DLEU7: variants seen among roughly 807,000 people sequenced by gnomAD.
DLEU7 encodes the protein leukemia-associated protein 7.
Under a neutral mutation model 16.0 loss-of-function variants are expected in DLEU7, and 17 were observed. The observed-to-expected ratio is 1.06, with a 90% CI of 0.73 to 1.59. The LOEUF is 1.59. Among genes scored for constraint, DLEU7 ranks in the 40% most tolerant of loss-of-function variants. The probability of loss-of-function intolerance (pLI) is 0.00; values close to 1 mark genes in which losing one functional copy is unlikely to be tolerated. For synonymous variants in DLEU7, 113 were observed against 139.8 expected, an observed-to-expected ratio of 0.81 and a Z score of 1.35; for missense variants, 308 against 314.9, an observed-to-expected ratio of 0.98 and a Z score of 0.17.
intron 1 of DLEU7, among the ~76,000 whole-genome samples, chr13:50,744,737 A>C (rs1045447018): frequency 2.0e-5 from 3 of 152,212 alleles, no homozygotes; most frequent in Admixed American, 1.3e-4. Flanking sequence ...ACAACAAACA[A>C]TCCAATTAAA....
At chr13:50,740,328 C>T (rs1047812973) in intron 1 of DLEU7, among the ~76,000 whole-genome samples, 2 of 152,114 alleles carry the variant, frequency 1.3e-5, no homozygotes, top group Non-Finnish European at 2.9e-5. Context: ...AAAATCAAGT[C>T]AATTTAAATC....
chr13:50,744,020 A>G (rs901066725), intron 1 of DLEU7, among the ~76,000 whole-genome samples: 4 of 152,164 alleles, frequency 2.6e-5, no homozygotes, highest in African/African-American at 9.7e-5. Flanking sequence ...GGCTCTGCCA[A>G]TGGGTATATA....
chr13:50,795,399 A>G (rs1000509962), intron 1 of DLEU7, among the ~76,000 whole-genome samples: 1 of 152,182 alleles, frequency 6.6e-6, no homozygotes, highest in African/African-American at 2.4e-5. Context: ...CAACAAATGC[A>G]GTTGATGATA....
chr13:50,747,701 C>T (rs1345155272), intron 1 of DLEU7, among the ~76,000 whole-genome samples: 1 of 152,122 alleles, frequency 6.6e-6, no homozygotes, highest in Non-Finnish European at 1.5e-5. Context: ...TGCATCCACA[C>T]TCCCCCAGCC....
chr13:50,758,586 C>G (rs1387569739), intron 1 of DLEU7, among the ~76,000 whole-genome samples: 1 of 152,192 alleles, frequency 6.6e-6, no homozygotes, highest in African/African-American at 2.4e-5. Context: ...GTGGTCTCCA[C>G]TGAAGACTCC....
downstream of DLEU7, chr13:50,711,780 G>GCA (rs1873298209): frequency 2.6e-5 from 1 of 39,028 alleles, no homozygotes; most frequent in African/African-American, 1.8e-4. Flanking sequence ...GGCGGGGGCG[G>GCA]GGGGCATTAC....
upstream of DLEU7, chr13:50,843,788 G>A (rs1238602614): frequency 3.4e-6 from 4 of 1,178,452 alleles, no homozygotes; most frequent in Non-Finnish European, 3.4e-6. This position sits in a 1 kb window ranked among gnomAD's most constrained non-coding sequence, Gnocchi z 5.7. Flanking sequence ...GGTCGGCCCC[G>A]CCCCCGGCTC....
chr13:50,745,756 A>G (rs1341369557), intron 1 of DLEU7, among the ~76,000 whole-genome samples: 5 of 151,978 alleles, frequency 3.3e-5, no homozygotes, highest in East Asian at 1.9e-4. Flanking sequence ...CCTCTTTGGG[A>G]TGGGTATTTA....
At chr13:50,811,295 A>G (rs532326949) in intron 1 of DLEU7, among the ~76,000 whole-genome samples, 24 of 152,272 alleles carry the variant, frequency 1.6e-4, no homozygotes, top group African/African-American at 5.8e-4. Flanking sequence ...AGGCCTTTAG[A>G]AAGAGAAGTA....
At chr13:50,752,189 C>T (rs1246371038) in intron 1 of DLEU7, among the ~76,000 whole-genome samples, 3 of 151,618 alleles carry the variant, frequency 2.0e-5, no homozygotes, top group Non-Finnish European at 4.4e-5. Context: ...GTAGCTGGGA[C>T]TACAGGCGCC....
At chr13:50,814,704 C>T (rs1346578211) in intron 1 of DLEU7, among the ~76,000 whole-genome samples, 1 of 128,898 alleles carries the variant, frequency 7.8e-6, no homozygotes, top group African/African-American at 2.8e-5. Flanking sequence ...CACACACACA[C>T]ACTCGCATGA....
chr13:50,811,817 A>G (rs748572995), intron 1 of DLEU7, among the ~76,000 whole-genome samples: 2 of 152,030 alleles, frequency 1.3e-5, no homozygotes, highest in Non-Finnish European at 2.9e-5. Flanking sequence ...GCCTGTAATC[A>G]CATCACTTCG....
At chr13:50,739,816 A>G (rs1039230435) in intron 1 of DLEU7, among the ~76,000 whole-genome samples, 1 of 152,194 alleles carries the variant, frequency 6.6e-6, no homozygotes, top group Non-Finnish European at 1.5e-5. Flanking sequence ...AGCACAGTCC[A>G]ACCCTACCTA....
intron 1 of DLEU7, among the ~76,000 whole-genome samples, chr13:50,772,916 A>G (rs997795938): frequency 6.6e-6 from 1 of 152,056 alleles, no homozygotes; most frequent in African/African-American, 2.4e-5. Context: ...TCAAATGTAG[A>G]TTTGGTCTTT....
intron 1 of DLEU7, among the ~76,000 whole-genome samples, chr13:50,740,803 G>A (rs1203481983): frequency 6.6e-6 from 1 of 152,100 alleles, no homozygotes; most frequent in African/African-American, 2.4e-5. Context: ...GTATTACTTT[G>A]ATCTTATGAG....
At chr13:50,719,232 A>G (rs963484775) in intron 1 of DLEU7, among the ~76,000 whole-genome samples, 1 of 152,204 alleles carries the variant, frequency 6.6e-6, no homozygotes, top group South Asian at 2.1e-4. Flanking sequence ...GAAAGTGCCT[A>G]TATAGTAAAC....
In DLEU7 at chr13:50,767,455, C is replaced by CAAAAAAA. The variant is rs35091007; in HGVS notation, c.460-54222_460-54216dup. On this transcript the variant is annotated intron_variant, in intron 1 of 1. Coordinates refer to the DLEU7 transcript ENST00000400393. ...TGGGCGACAGAGCGAGACTCCGTCTCAAAAAAAAAAAAAAAAAAAAAAACT... is the reference window on the plus strand; with the variant it reads ...TGGGCGACAGAGCGAGACTCCGTCTCAAAAAAAAAAAAAAAAAAAAAAAAAAAAAACT... 3.1e-4 allele frequency among the ~76,000 whole-genome samples: 20 copies of CAAAAAAA among 64,510 alleles called. 1 individual carries two copies. Among genetic ancestry groups the CAAAAAAA allele is most frequent in the African/African-American group, 1.2e-3 (20 of 16,992 alleles). 42.3% of individuals were successfully genotyped at this position (64,510 alleles called of 152,430 possible).
intron 1 of DLEU7, among the ~76,000 whole-genome samples, chr13:50,721,253 C>A (rs1873601232): frequency 6.6e-6 from 1 of 152,208 alleles, no homozygotes; most frequent in Non-Finnish European, 1.5e-5. Context: ...GCCAGGGGCT[C>A]TCGGGCCTTC....
exon 2 of DLEU7, chr13:50,713,234 G>A: frequency 1.2e-6 from 2 of 1,611,044 alleles, no homozygotes; most frequent in Non-Finnish European, 1.7e-6. Context: ...TTAGCCAGGA[G>A]TTGAAGCTGA....
Sources: gnomAD v4.1 joint callset for allele counts (sites outside exome capture counted in the v4.1 genomes callset) on GRCh38, gnomAD v4.1.1 for gene constraint, Gnocchi (gnomAD v3.1) non-coding constraint, MANE v1.5 for transcripts, NCBI Gene and HGNC (gene_info 2026-07-23, HGNC 2026-07-21) for gene names.